Variants in LAMA2 observed in about 807,000 individuals in gnomAD.
The protein encoded by LAMA2 is laminin subunit alpha-2.
A neutral mutation model predicts 364.8 loss-of-function variants in LAMA2; 269 were observed. The observed-to-expected ratio is 0.74, with a 90% CI of 0.67 to 0.82. The LOEUF (loss-of-function observed/expected upper bound fraction) is 0.82, where lower values mean the gene tolerates loss of function less well. LAMA2 is among the 40% of genes least tolerant of loss of function. The pLI is 0.00. For synonymous variants in LAMA2, 1,379 were observed against 1,370.6 expected, an observed-to-expected ratio of 1.01 and a Z score of -0.14; for missense variants, 3,807 against 3,873.2, an observed-to-expected ratio of 0.98 and a Z score of 0.45.
chr6:129,197,446 GA>G (rs1781917809), intron 12 of LAMA2, among the ~76,000 whole-genome samples: 1 of 152,182 alleles, frequency 6.6e-6, no homozygotes, highest in South Asian at 2.1e-4. Context: ...TTGCCAGTCA[GA>G]AAATCTTTGA....
intron 1 of LAMA2, among the ~76,000 whole-genome samples, chr6:128,917,889 C>T (rs936492765): frequency 4.0e-5 from 6 of 151,514 alleles, no homozygotes; most frequent in Admixed American, 4.0e-4. Context: ...TCTTGCCACC[C>T]CACCTGGCTA....
intron 15 of LAMA2, among the ~76,000 whole-genome samples, chr6:129,263,107 A>G (rs1787251059): frequency 6.6e-6 from 1 of 152,188 alleles, no homozygotes; most frequent in Non-Finnish European, 1.5e-5. Context: ...TCTTCCATGA[A>G]ATGAAAATAA....
chr6:129,039,088 C>T (rs1311486639), intron 1 of LAMA2, among the ~76,000 whole-genome samples: 1 of 151,968 alleles, frequency 6.6e-6, no homozygotes, highest in Non-Finnish European at 1.5e-5. Flanking sequence ...GCTATCCATG[C>T]CCTCAGTAAT....
chr6:129,430,244 G>A (rs77418042), intron 41 of LAMA2, among the ~76,000 whole-genome samples: 3,994 of 152,244 alleles, frequency 0.026, 183 homozygotes, highest in East Asian at 0.19. Context: ...TAGAGATTTA[G>A]TCATTTCTCT....
In LAMA2 at chr6:129,369,910, C is replaced by G. The variant is rs773658276; in HGVS notation, c.4879C>G (p.Arg1627Gly). 1.9e-6 allele frequency: 3 copies of G among 1,613,954 alleles called. No homozygotes were observed. The South Asian group carries it at 3.3e-5, about 18-fold the overall frequency. ...TTTTCAGCACTTGCTGTCACCTCAG[C>G]GGGCCCCAGAGAGGCTTATTCAGCT... is the stretch of plus-strand genomic sequence containing the variant. ...QELKHLLSPQRAPERLIQLAE... is the reference protein window; with the variant it reads ...QELKHLLSPQGAPERLIQLAE... The change falls in exon 34 of 65, where the codon CGG (arginine) becomes GGG (glycine). Residue 1627 changes from arginine to glycine, a missense_variant. Arg to Gly is a moderately radical substitution (Grantham distance 125). Around this residue, in one of 3 missense-constraint regions of LAMA2, gnomAD observed 3,333 missense variants for 3,345.7 expected, o/e 1.00. Coordinates refer to ENST00000421865, the MANE Select transcript of LAMA2 (RefSeq NM_000426.4).
At chr6:128,979,756 A>G (rs530832456) in intron 1 of LAMA2, among the ~76,000 whole-genome samples, 315 of 152,350 alleles carry the variant, frequency 2.1e-3, no homozygotes, top group African/African-American at 7.0e-3. Context: ...ATGGACTGTC[A>G]TAACATTGTT....
At chr6:128,909,589 CA>C (rs1201699078) in intron 1 of LAMA2, among the ~76,000 whole-genome samples, 1 of 148,170 alleles carries the variant, frequency 6.7e-6, no homozygotes, top group Non-Finnish European at 1.5e-5. Context: ...ACTCTTTATC[CA>C]ATTTGCCAGT....
chr6:129,212,704 C>G (rs544044955), intron 12 of LAMA2, among the ~76,000 whole-genome samples: 1 of 152,156 alleles, frequency 6.6e-6, no homozygotes, highest in Non-Finnish European at 1.5e-5. Context: ...CGGGTTCATG[C>G]CATCAAATTA....
chr6:129,475,493 C>T, intron 53 of LAMA2, 92 bp downstream of exon 53: 1 of 865,378 alleles, frequency 1.2e-6, no homozygotes, highest in Non-Finnish European at 1.9e-6. Context: ...AGCAGAGCAA[C>T]ACCAGTACAG....
intron 1 of LAMA2, among the ~76,000 whole-genome samples, chr6:128,886,848 G>A (rs1389987694): frequency 6.6e-6 from 1 of 152,122 alleles, no homozygotes; most frequent in Admixed American, 6.5e-5. Context: ...ACTTGCTTCT[G>A]GAAATGACCA....
chr6:129,407,845 G>A (rs905370430), intron 40 of LAMA2, among the ~76,000 whole-genome samples: 1 of 152,160 alleles, frequency 6.6e-6, no homozygotes, highest in African/African-American at 2.4e-5. Flanking sequence ...TGCCCTATGG[G>A]ATCTCCTGTA....
chr6:128,916,558 G>A (rs564426883), intron 1 of LAMA2, among the ~76,000 whole-genome samples: 21 of 152,314 alleles, frequency 1.4e-4, no homozygotes, highest in African/African-American at 4.8e-4. Context: ...GGCATTTCAA[G>A]TCTTCCTTCT....
At chr6:129,052,784 T>A (rs1369446507) in intron 2 of LAMA2, among the ~76,000 whole-genome samples, 1 of 152,108 alleles carries the variant, frequency 6.6e-6, no homozygotes, top group Non-Finnish European at 1.5e-5. Context: ...ATAAAATGTA[T>A]AAAATGAGAG....
At chr6:129,361,772 T>G (rs538733765) in intron 32 of LAMA2, among the ~76,000 whole-genome samples, 1 of 149,300 alleles carries the variant, frequency 6.7e-6, no homozygotes, top group East Asian at 2.0e-4. Context: ...CAAAGAAGTA[T>G]TAACAGTAAC....
chr6:129,264,124 G>C (rs982861228), intron 15 of LAMA2, among the ~76,000 whole-genome samples: 3 of 152,134 alleles, frequency 2.0e-5, no homozygotes, highest in Non-Finnish European at 4.4e-5. Flanking sequence ...ATAGGAAGGA[G>C]AAGGGTTAAT....
chr6:129,447,612 G>C (rs1254753789), intron 45 of LAMA2, among the ~76,000 whole-genome samples: 1 of 152,200 alleles, frequency 6.6e-6, no homozygotes, highest in Non-Finnish European at 1.5e-5. Flanking sequence ...AGCCTCACTG[G>C]TTAGGATAAG....
intron 45 of LAMA2, among the ~76,000 whole-genome samples, chr6:129,452,492 A>G (rs1164285721): frequency 6.6e-6 from 1 of 152,166 alleles, no homozygotes; most frequent in African/African-American, 2.4e-5. Context: ...TCTAGAACAA[A>G]ATCTATTTGT....
At chr6:129,276,368 G>C (rs1011512648) in intron 17 of LAMA2, among the ~76,000 whole-genome samples, 1 of 152,100 alleles carries the variant, frequency 6.6e-6, no homozygotes, top group Non-Finnish European at 1.5e-5. Flanking sequence ...AGGAGTGCTT[G>C]TTTTATATCA....
chr6:128,928,109 C>T (rs1174251864), intron 1 of LAMA2, among the ~76,000 whole-genome samples: 1 of 152,194 alleles, frequency 6.6e-6, no homozygotes, highest in African/African-American at 2.4e-5. Context: ...ATTCCTTCTC[C>T]TCTACGGTAG....
Sources: gnomAD v4.1 joint callset for allele counts (sites outside exome capture counted in the v4.1 genomes callset) on GRCh38, gnomAD v4.1.1 for gene constraint, gnomAD v4.1.1 regional missense constraint, MANE v1.5 for transcripts, NCBI Gene and HGNC (gene_info 2026-07-23, HGNC 2026-07-21) for gene names.